XNDC1N: variants seen among roughly 807,000 people sequenced by gnomAD.
XNDC1N encodes the protein XRCC1 N-terminal domain containing 1, N-terminal like.
chr11:71,896,506 C>T, the XNDC1N span, among the ~76,000 whole-genome samples: 1 of 151,116 alleles, frequency 6.6e-6, no homozygotes, highest in Non-Finnish European at 1.5e-5. Flanking sequence ...AGCTTCCTAA[C>T]TTTCTCATTA....
At chr11:71,917,702 G>A in the XNDC1N span, 1 of 703,248 alleles carries the variant, frequency 1.4e-6, no homozygotes, top group Admixed American at 2.0e-5. Context: ...GCAGGGAGCA[G>A]GGTTATGAAA....
chr11:71,900,582 T>C, the XNDC1N span, among the ~76,000 whole-genome samples: 1 of 152,224 alleles, frequency 6.6e-6, no homozygotes, highest in South Asian at 2.1e-4. Flanking sequence ...TGGTTGTCCT[T>C]TTCATAGACA....
the XNDC1N span, chr11:71,928,406 T>G: frequency 1.4e-6 from 1 of 695,812 alleles, no homozygotes; most frequent in East Asian, 2.7e-5. Context: ...GCCTCGGATC[T>G]CGGACCACCA....
chr11:71,891,520 G>T, the XNDC1N span, among the ~76,000 whole-genome samples: 554 of 152,186 alleles, frequency 3.6e-3, 6 homozygotes, highest in African/African-American at 0.012. Context: ...TACACACCCT[G>T]CGACATTGGA....
chr11:71,877,676 C>A, the XNDC1N span, among the ~76,000 whole-genome samples: 1 of 152,162 alleles, frequency 6.6e-6, no homozygotes, highest in Non-Finnish European at 1.5e-5. Flanking sequence ...TTTACTCATA[C>A]CCTCTTTAAG....
chr11:71,927,753 A>G, the XNDC1N span: 2 of 152,242 alleles, frequency 1.3e-5, no homozygotes, highest in Non-Finnish European at 2.9e-5. Flanking sequence ...CAAATAAATC[A>G]TAATGCCAGT....
the XNDC1N span, among the ~76,000 whole-genome samples, chr11:71,927,223 G>C: frequency 2.6e-5 from 4 of 151,964 alleles, no homozygotes; most frequent in African/African-American, 9.7e-5. Flanking sequence ...CTCCAGCCTG[G>C]GCGACAGAGC....
chr11:71,877,555 T>C, the XNDC1N span, among the ~76,000 whole-genome samples: 1 of 152,192 alleles, frequency 6.6e-6, no homozygotes, highest in Non-Finnish European at 1.5e-5. Flanking sequence ...GGAGAATCAC[T>C]TGAACCCGGG....
At chr11:71,865,881 C>T in the XNDC1N span, 1 of 443,694 alleles carries the variant, frequency 2.3e-6, no homozygotes, top group Non-Finnish European at 4.5e-6. Flanking sequence ...AGTAAATAAA[C>T]AAACAAATAA....
the XNDC1N span, among the ~76,000 whole-genome samples, chr11:71,892,975 G>C: frequency 4.0e-5 from 6 of 149,978 alleles, no homozygotes; most frequent in Admixed American, 3.3e-4. Flanking sequence ...AATTATATTT[G>C]ATTTCATTTT....
the XNDC1N span, among the ~76,000 whole-genome samples, chr11:71,867,477 C>T: frequency 6.1e-4 from 90 of 147,308 alleles, 1 homozygote; most frequent in Non-Finnish European, 2.6e-4. Context: ...ACAGAAACAC[C>T]GCCATCTGCC....
chr11:71,908,172 T>C, the XNDC1N span, among the ~76,000 whole-genome samples: 1 of 151,958 alleles, frequency 6.6e-6, no homozygotes, highest in Non-Finnish European at 1.5e-5. Context: ...ATTATTAACA[T>C]GAATATGAAT....
chr11:71,891,801 C>T, the XNDC1N span, among the ~76,000 whole-genome samples: 1 of 151,872 alleles, frequency 6.6e-6, no homozygotes, highest in Non-Finnish European at 1.5e-5. Context: ...AAAACAATAT[C>T]ATCGGGGCTG....
chr11:71,896,169 C>A, the XNDC1N span, among the ~76,000 whole-genome samples: 1 of 152,178 alleles, frequency 6.6e-6, no homozygotes, highest in African/African-American at 2.4e-5. Flanking sequence ...GTCTCAGCTA[C>A]TCGGAGGGCT....
the XNDC1N span, among the ~76,000 whole-genome samples, chr11:71,880,849 GTTCTA>G: frequency 2.0e-5 from 3 of 152,066 alleles, no homozygotes; most frequent in East Asian, 1.9e-4. Context: ...TTCATTTCTA[GTTCTA>G]TTCTATTTTT....
chr11:71,918,383 G>A, the XNDC1N span, among the ~76,000 whole-genome samples: 3 of 152,084 alleles, frequency 2.0e-5, no homozygotes, highest in East Asian at 3.9e-4. Flanking sequence ...CTGGGCTCAG[G>A]TGATCCTCCC....
At chr11:71,882,511 GCAGGCCAC>G in the XNDC1N span, among the ~76,000 whole-genome samples, 51 of 152,328 alleles carry the variant, frequency 3.3e-4, no homozygotes, top group African/African-American at 1.2e-3. Flanking sequence ...GATTAAAGGT[GCAGGCCAC>G]CATGCCCAGC....
the XNDC1N span, among the ~76,000 whole-genome samples, chr11:71,873,197 T>G: frequency 1.3e-5 from 2 of 152,176 alleles, no homozygotes; most frequent in Non-Finnish European, 2.9e-5. Flanking sequence ...GATTCTTCAG[T>G]TGAGCAGTAT....
the XNDC1N span, chr11:71,917,038 A>C: frequency 5.1e-6 from 1 of 197,644 alleles, no homozygotes; most frequent in South Asian, 1.2e-4. Flanking sequence ...TTTGAGACAG[A>C]GTTTCACTCT....
Sources: gnomAD v4.1 joint callset for allele counts (sites outside exome capture counted in the v4.1 genomes callset) on GRCh38, gnomAD v4.1.1 for gene constraint, MANE v1.5 for transcripts, NCBI Gene and HGNC (gene_info 2026-07-23, HGNC 2026-07-21) for gene names.